CACNA2D3: variants seen among roughly 807,000 people sequenced by gnomAD.
CACNA2D3 encodes the protein voltage-dependent calcium channel subunit alpha-2/delta-3.
A neutral mutation model predicts 160.6 loss-of-function variants in CACNA2D3; 60 were observed. That is an observed-to-expected ratio of 0.37 (90% CI 0.30 to 0.46). CACNA2D3 has a LOEUF of 0.46. Among genes scored for constraint, CACNA2D3 ranks in the 20% least tolerant of loss-of-function variants. The probability of loss-of-function intolerance (pLI) is 1.00; values close to 1 mark genes in which losing one functional copy is unlikely to be tolerated. For synonymous variants in CACNA2D3, 558 were observed against 492.9 expected (o/e 1.13, Z -1.75); for missense variants, 1,205 against 1,365.0 (o/e 0.88, Z 1.85).
At chr3:54,679,176 G>A (rs955429918) in intron 11 of CACNA2D3, among the ~76,000 whole-genome samples, 1 of 152,088 alleles carries the variant, frequency 6.6e-6, no homozygotes, top group African/African-American at 2.4e-5. Context: ...CCTCCTTAGG[G>A]CTCCCTTAGG....
intron 12 of CACNA2D3, among the ~76,000 whole-genome samples, chr3:54,756,068 G>C (rs1340132427): frequency 6.6e-6 from 1 of 152,154 alleles, no homozygotes; most frequent in Non-Finnish European, 1.5e-5. Context: ...TTAGGGCCTG[G>C]CTATAGAATA....
At chr3:54,362,422 T>C (rs1293247852) in intron 3 of CACNA2D3, among the ~76,000 whole-genome samples, 1 of 152,116 alleles carries the variant, frequency 6.6e-6, no homozygotes, top group East Asian at 1.9e-4. Context: ...AATCAATGGC[T>C]CCCATTTCTG....
intron 9 of CACNA2D3, among the ~76,000 whole-genome samples, chr3:54,620,649 G>A (rs1248102955): frequency 6.6e-6 from 1 of 152,162 alleles, no homozygotes; most frequent in Non-Finnish European, 1.5e-5. Context: ...CTGGAAACCA[G>A]CCCTGCACGG....
chr3:54,726,003 T>C (rs1435794254), intron 11 of CACNA2D3, among the ~76,000 whole-genome samples: 1 of 152,166 alleles, frequency 6.6e-6, no homozygotes, highest in East Asian at 1.9e-4. Flanking sequence ...TGATTGTGTA[T>C]TTAGAAAACC....
chr3:54,485,042 T>G (rs1700994460), intron 4 of CACNA2D3, among the ~76,000 whole-genome samples: 1 of 152,134 alleles, frequency 6.6e-6, no homozygotes, highest in Non-Finnish European at 1.5e-5. Flanking sequence ...AGACGGGGTT[T>G]CATCGTGTTG....
chr3:54,182,890 A>G (rs1167618567), intron 2 of CACNA2D3, among the ~76,000 whole-genome samples: 1 of 152,218 alleles, frequency 6.6e-6, no homozygotes, highest in Non-Finnish European at 1.5e-5. Context: ...AATTCAGTTA[A>G]CAAGCAGAGG....
intron 4 of CACNA2D3, among the ~76,000 whole-genome samples, chr3:54,493,047 G>C (rs578168917): frequency 6.2e-5 from 9 of 145,118 alleles, no homozygotes; most frequent in Non-Finnish European, 9.0e-5. Context: ...TATGTGGGAG[G>C]TATTGCTCAA....
intron 3 of CACNA2D3, among the ~76,000 whole-genome samples, chr3:54,356,120 G>T (rs1302437131): frequency 7.0e-6 from 1 of 143,186 alleles, no homozygotes; most frequent in Non-Finnish European, 1.5e-5. Flanking sequence ...TGGGAGGGCG[G>T]GGACATTGGG....
At position 54,316,040 on chromosome 3, in the gene CACNA2D3, A is replaced by C. The variant is rs568917180; in HGVS notation, c.205-4402A>C. 8.5e-5 allele frequency among the ~76,000 whole-genome samples: 13 copies of C among 152,208 alleles called. No homozygotes were observed. In the South Asian group the frequency reaches 2.7e-3, roughly 32 times the overall value. Reference sequence around the variant, plus strand: ...TTGTACAGCTGGCTGTGAATGTACAATCACATTGTGTACATTGTGTATGTC... The same window carrying C: ...TTGTACAGCTGGCTGTGAATGTACACTCACATTGTGTACATTGTGTATGTC... On this transcript the variant is annotated intron_variant, in intron 2 of 37. Transcript: ENST00000474759.
At chr3:54,629,863 C>T (rs1185873803) in intron 10 of CACNA2D3, among the ~76,000 whole-genome samples, 1 of 152,126 alleles carries the variant, frequency 6.6e-6, no homozygotes, top group African/African-American at 2.4e-5. Context: ...TGGAAGTCTT[C>T]CCTGCAGTGA....
At chr3:55,008,917 A>ACACACACACACG (rs1400665031) in intron 33 of CACNA2D3, among the ~76,000 whole-genome samples, 3 of 151,532 alleles carry the variant, frequency 2.0e-5, no homozygotes, top group African/African-American at 7.3e-5. Context: ...ACACACACAC[A>ACACACACACACG]CACACACAGG....
intron 27 of CACNA2D3, among the ~76,000 whole-genome samples, chr3:54,956,837 C>T (rs1701909308): frequency 6.6e-6 from 1 of 152,096 alleles, no homozygotes; most frequent in South Asian, 2.1e-4. Flanking sequence ...CTCCAGTTTG[C>T]ATTTTATCTG....
intron 5 of CACNA2D3, among the ~76,000 whole-genome samples, chr3:54,518,031 GCA>G (rs1701582047): frequency 6.6e-6 from 1 of 152,200 alleles, no homozygotes; most frequent in Non-Finnish European, 1.5e-5. Context: ...TTCCAACAAA[GCA>G]CAGTGGGCTC....
chr3:54,894,430 C>T (rs755885842), intron 25 of CACNA2D3, among the ~76,000 whole-genome samples: 1 of 152,082 alleles, frequency 6.6e-6, no homozygotes, highest in Non-Finnish European at 1.5e-5. Flanking sequence ...TGCAGCATTC[C>T]AGATCTATTG....
intron 34 of CACNA2D3, among the ~76,000 whole-genome samples, chr3:55,013,008 T>C (rs1423469898): frequency 1.3e-5 from 2 of 152,190 alleles, no homozygotes; most frequent in Non-Finnish European, 2.9e-5. Flanking sequence ...AGGAGCTTTG[T>C]AGAAAGGACC....
At chr3:55,058,230 T>G (rs1386863884) in intron 35 of CACNA2D3, among the ~76,000 whole-genome samples, 1 of 152,224 alleles carries the variant, frequency 6.6e-6, no homozygotes, top group African/African-American at 2.4e-5. Flanking sequence ...ACTACATGAT[T>G]TGTTTAATTA....
intron 35 of CACNA2D3, among the ~76,000 whole-genome samples, chr3:55,030,189 C>T (rs1354000117): frequency 6.6e-6 from 1 of 152,132 alleles, no homozygotes; most frequent in African/African-American, 2.4e-5. Context: ...CAGTCATACC[C>T]AAGCAGCAGT....
chr3:54,728,622 A>G (rs1211139727), intron 11 of CACNA2D3, among the ~76,000 whole-genome samples: 1 of 152,160 alleles, frequency 6.6e-6, no homozygotes, highest in Non-Finnish European at 1.5e-5. Context: ...GATGGTGTAT[A>G]TGAAAAATTG....
At chr3:54,705,994 G>T (rs561874540) in intron 11 of CACNA2D3, among the ~76,000 whole-genome samples, 5 of 152,124 alleles carry the variant, frequency 3.3e-5, no homozygotes, top group Non-Finnish European at 5.9e-5. Context: ...CGGCTTCTGT[G>T]CTCCTTTGAG....
Sources: gnomAD v4.1 joint callset for allele counts (sites outside exome capture counted in the v4.1 genomes callset) on GRCh38, gnomAD v4.1.1 for gene constraint, MANE v1.5 for transcripts, NCBI Gene and HGNC (gene_info 2026-07-23, HGNC 2026-07-21) for gene names.